PIK3CD: variants seen among roughly 807,000 people sequenced by gnomAD.
PIK3CD encodes the protein phosphatidylinositol 4,5-bisphosphate 3-kinase catalytic subunit delta isoform.
In PIK3CD, 20 loss-of-function variants were observed where a neutral mutation model predicts 122.9. The observed-to-expected ratio is 0.16, with a 90% CI of 0.11 to 0.24. PIK3CD has a LOEUF of 0.24. Ranked by LOEUF, PIK3CD falls within the 10% of genes least tolerant of loss-of-function variation. The pLI is 1.00. For missense variants in PIK3CD, 787 were observed against 1,406.3 expected, an observed-to-expected ratio of 0.56 and a Z score of 7.04; for synonymous variants, 596 against 593.4, an observed-to-expected ratio of 1.00 and a Z score of -0.06.
chr1:9,653,681 T>A, intron 1 of PIK3CD: 1 of 668,214 alleles, frequency 1.5e-6, no homozygotes, highest in Non-Finnish European at 2.3e-6. Context: ...TTGATGAGGC[T>A]GCGACCAAAC....
At chr1:9,716,203 G>A in intron 5 of PIK3CD, 125 bp downstream of exon 5, 1 of 923,492 alleles carries the variant, frequency 1.1e-6, no homozygotes, top group Non-Finnish European at 1.7e-6. Context: ...TTTGCCAGGT[G>A]TCTGTGCATG....
At chr1:9,677,257 G>A (rs1645573268) in intron 1 of PIK3CD, among the ~76,000 whole-genome samples, 1 of 152,168 alleles carries the variant, frequency 6.6e-6, no homozygotes, top group African/African-American at 2.4e-5. Flanking sequence ...TGTGTTTTGG[G>A]AGGGAGGTTG....
the PIK3CD span, among the ~76,000 whole-genome samples, chr1:9,631,868 C>T: frequency 7.9e-5 from 12 of 152,152 alleles, no homozygotes; most frequent in African/African-American, 1.9e-4. Flanking sequence ...ACCTCTCCCC[C>T]GTCAAATGAG....
In PIK3CD at chr1:9,723,928, G is replaced by A; in HGVS notation, c.2595-41G>A. 6.2e-7 allele frequency: 1 copy of A among 1,603,096 alleles called. No homozygotes were observed. The highest frequency in any genetic ancestry group is 8.5e-7 in the Non-Finnish European group (1 of 1,170,320). ...AACCCACCTCTTGATAGGCGGAGCT[G>A]CAAAATGGTATGGCCATGCTTTTTA... On this transcript the variant is annotated intron_variant, in intron 20 of 23. Coordinates refer to ENST00000377346, the MANE Select transcript of PIK3CD (RefSeq NM_005026.5). This position sits in a 1 kb window ranked among gnomAD's most constrained non-coding sequence, Gnocchi z 4.9.
intron 1 of PIK3CD, among the ~76,000 whole-genome samples, chr1:9,660,177 G>T (rs534165961): frequency 6.6e-6 from 1 of 152,384 alleles, no homozygotes; most frequent in South Asian, 2.1e-4. Flanking sequence ...CTCCCAAAGT[G>T]CTGGGATTAT....
chr1:9,630,707 AGTGTGTGTGTGT>A, the PIK3CD span, among the ~76,000 whole-genome samples: 83,922 of 147,610 alleles, frequency 0.57, 26,688 homozygotes, highest in Non-Finnish European at 0.72. Context: ...AAAGAAAGTG[AGTGTGTGTGTGT>A]GTGTGTGTGT....
intron 1 of PIK3CD, among the ~76,000 whole-genome samples, chr1:9,664,052 T>TC (rs199916065): frequency 8.8e-5 from 12 of 137,104 alleles, no homozygotes; most frequent in African/African-American, 3.6e-4. Context: ...TTTCTTTCTT[T>TC]TTTTTTTTTT....
In PIK3CD at chr1:9,704,360, A is replaced by T. The variant is rs1374099501; in HGVS notation, c.-32-6064A>T. ...TGTGGGTTGGAGTCCCTGGGAGCTCATGCCTCATGTGCTCATCTTGGGCCT... is the reference window on the plus strand; with the variant it reads ...TGTGGGTTGGAGTCCCTGGGAGCTCTTGCCTCATGTGCTCATCTTGGGCCT... On this transcript the variant is annotated intron_variant, in intron 2 of 23. Transcript: ENST00000377346. This position sits in a 1 kb window ranked among gnomAD's most constrained non-coding sequence, Gnocchi z 5.0. 6.6e-6 allele frequency among the ~76,000 whole-genome samples: 1 copy of T among 152,194 alleles called. No homozygotes were observed. Among genetic ancestry groups the T allele is most frequent in the African/African-American group, 2.4e-5 (1 of 41,464 alleles).
At chr1:9,650,832 A>G (rs1644658240), upstream of PIK3CD, among the ~76,000 whole-genome samples, 2 of 106,446 alleles carry the variant, frequency 1.9e-5, no homozygotes, top group South Asian at 3.8e-4. Flanking sequence ...TACTTTACCA[A>G]TGGAGATTTT....
At chr1:9,725,987 G>C (rs1367510103) in intron 23 of PIK3CD, among the ~76,000 whole-genome samples, 4 of 152,140 alleles carry the variant, frequency 2.6e-5, no homozygotes, top group Non-Finnish European at 5.9e-5. Flanking sequence ...TGAGGCAGGT[G>C]GATCACCTGA....
intron 2 of PIK3CD, among the ~76,000 whole-genome samples, chr1:9,709,643 A>T (rs979367496): frequency 3.3e-5 from 5 of 152,024 alleles, no homozygotes; most frequent in African/African-American, 1.2e-4. Context: ...AATTTGTGTT[A>T]CAGTGAGCTA....
intron 1 of PIK3CD, among the ~76,000 whole-genome samples, chr1:9,671,202 C>T (rs940046085): frequency 1.3e-5 from 2 of 152,066 alleles, no homozygotes; most frequent in African/African-American, 2.4e-5. Context: ...TGGGCTCAAG[C>T]GATCTTCCCA....
intron 1 of PIK3CD, among the ~76,000 whole-genome samples, chr1:9,675,046 G>GAGAGAA (rs1553160755): frequency 7.0e-6 from 1 of 143,162 alleles, no homozygotes; most frequent in South Asian, 2.2e-4. Context: ...AAGAGAGAGA[G>GAGAGAA]AGAAAGAAAG....
chr1:9,666,898 C>T (rs1205293793), intron 1 of PIK3CD, among the ~76,000 whole-genome samples: 2 of 151,192 alleles, frequency 1.3e-5, no homozygotes, highest in Admixed American at 6.6e-5. Flanking sequence ...TGGAGTCTCG[C>T]TCTGTTGCCC....
intron 2 of PIK3CD, among the ~76,000 whole-genome samples, chr1:9,696,653 G>A (rs1179597439): frequency 6.6e-6 from 1 of 151,502 alleles, no homozygotes; most frequent in Non-Finnish European, 1.5e-5. Flanking sequence ...GGGAGGCTGA[G>A]GCAGGAGGAT....
chr1:9,710,687 G>A lies in PIK3CD; in HGVS notation c.141+91G>A. The A allele has an allele frequency of 6.6e-6, 9 of 1,360,538 alleles. No individual in the cohort carries two copies. The South Asian group carries it at 7.0e-5, about 11-fold the overall frequency. The allele number at this position is 1,360,538 out of a possible 1,614,324, so 84.3% of individuals were successfully genotyped here. A position where few individuals can be genotyped will look rare whatever the true frequency, so the allele number is the denominator to read the frequency against. On this transcript the variant is annotated intron_variant, in intron 3 of 23. Transcript: ENST00000377346. The surrounding 1 kb of genome is among the most constrained non-coding windows in gnomAD (Gnocchi z 4.7). ...TAGACAGACAGACAGACAGACAGATGGACAGGTGGACAGACGGACAGACAG... is the reference window on the plus strand; with the variant it reads ...TAGACAGACAGACAGACAGACAGATAGACAGGTGGACAGACGGACAGACAG...
intron 1 of PIK3CD, among the ~76,000 whole-genome samples, chr1:9,690,504 C>G (rs998412690): frequency 6.6e-6 from 1 of 152,174 alleles, no homozygotes; most frequent in Admixed American, 6.5e-5. Context: ...TCTTCCTTAG[C>G]CTTTGGTGCT....
Position 9,728,993 on chromosome 1 carries a change from C to T in PIK3CD, c.*1947C>T, listed in dbSNP as rs1190221205. ...AGGGAGTGTAGGTTTAAAACCAAAA[C>T]AGGAGAGAAGACAAACCCCGCTCCG... On this transcript the variant is annotated 3_prime_UTR_variant, in exon 24 of 24. Coordinates refer to ENST00000377346, the MANE Select transcript of PIK3CD (RefSeq NM_005026.5). The T allele has an allele frequency of 6.6e-6, 1 of 152,184 alleles. No individual in the cohort carries two copies. The highest frequency in any genetic ancestry group is 1.5e-5 in the Non-Finnish European group (1 of 68,034). 9.4% of individuals were successfully genotyped at this position (152,184 alleles called of 1,614,324 possible).
chr1:9,699,746 G>T (rs1192579112), intron 2 of PIK3CD, among the ~76,000 whole-genome samples: 1 of 152,040 alleles, frequency 6.6e-6, no homozygotes, highest in African/African-American at 2.4e-5. Context: ...GTGCCACCAC[G>T]CCTGGCTAAT....
Sources: allele counts gnomAD v4.1 joint callset (sites outside exome capture counted in the v4.1 genomes callset), GRCh38; gene constraint gnomAD v4.1.1; non-coding constraint Gnocchi (gnomAD v3.1); transcripts MANE v1.5; gene names NCBI Gene and HGNC (gene_info 2026-07-23, HGNC 2026-07-21).